The following ZNF804B variants were observed in gnomAD, a reference collection of about 807,000 sequenced individuals.
ZNF804B encodes zinc finger 804B.
ZNF804B carries 80 observed loss-of-function variants against 101.4 expected under a neutral mutation model. That is an observed-to-expected ratio of 0.79 (90% CI 0.66 to 0.95). The LOEUF (loss-of-function observed/expected upper bound fraction) is 0.95, where lower values mean the gene tolerates loss of function less well. Ranked by LOEUF, ZNF804B falls within the 40% of genes least tolerant of loss-of-function variation. The pLI, the probability that ZNF804B is intolerant of heterozygous loss-of-function variation, is 0.00. For missense variants in ZNF804B, 1,673 were observed against 1,561.9 expected (o/e 1.07, Z -1.20); for synonymous variants, 622 against 558.8 (o/e 1.11, Z -1.59).
At chr7:89,217,289 C>T (rs1788911983) in intron 1 of ZNF804B, among the ~76,000 whole-genome samples, 1 of 152,310 alleles carries the variant, frequency 6.6e-6, no homozygotes, top group South Asian at 2.1e-4. Flanking sequence ...TAGCAAATCA[C>T]AGCTGTTTAC....
chr7:89,060,363 G>T (rs1789360510), intron 1 of ZNF804B, among the ~76,000 whole-genome samples: 1 of 152,072 alleles, frequency 6.6e-6, no homozygotes, highest in Non-Finnish European at 1.5e-5. Context: ...CTTGCAAAAA[G>T]GCTGTGATAA....
rs141012861 is a variant in ZNF804B at position 88,774,611 on chromosome 7, CTAAG to C, written c.108+14530_108+14533del. 3.6e-3 allele frequency among the ~76,000 whole-genome samples: 554 copies of C among 152,252 alleles called. 4 individuals are homozygous for C. Among genetic ancestry groups the C allele is most frequent in the Admixed American group, 6.0e-3 (92 of 15,294 alleles). ...ACATTAGAGGTATCTATTCATCCTA[CTAAG>C]TATTTATTCTTCAATGTGAATAAAG... On this transcript the variant is annotated intron_variant, in intron 1 of 3. Coordinates refer to ENST00000333190, the MANE Select transcript of ZNF804B (RefSeq NM_181646.5).
chr7:88,946,907 GA>G (rs546095443), intron 1 of ZNF804B, among the ~76,000 whole-genome samples: 106 of 151,490 alleles, frequency 7.0e-4, no homozygotes, highest in Middle Eastern at 3.4e-3. Context: ...ATAAACATAC[GA>G]AAAAAAAGCT....
At chr7:88,797,681 G>A (rs1165445874) in intron 1 of ZNF804B, among the ~76,000 whole-genome samples, 1 of 152,076 alleles carries the variant, frequency 6.6e-6, no homozygotes, top group Non-Finnish European at 1.5e-5. Flanking sequence ...TTATACACAG[G>A]TGAGATTCTT....
chr7:88,999,930 A>G (rs896019991), intron 1 of ZNF804B, among the ~76,000 whole-genome samples: 3 of 152,118 alleles, frequency 2.0e-5, no homozygotes, highest in East Asian at 3.9e-4. Context: ...AGTGATATGT[A>G]ACAGTAAAAT....
chr7:88,973,717 A>G (rs1260628188), intron 1 of ZNF804B, among the ~76,000 whole-genome samples: 1 of 151,296 alleles, frequency 6.6e-6, no homozygotes, highest in African/African-American at 2.4e-5. Flanking sequence ...TATTTATGAG[A>G]CCATGATAAA....
At chr7:89,208,836 C>A (rs888031047) in intron 1 of ZNF804B, among the ~76,000 whole-genome samples, 2 of 151,728 alleles carry the variant, frequency 1.3e-5, no homozygotes, top group East Asian at 3.9e-4. Flanking sequence ...CACGGTGAAA[C>A]CCCGTCTGTA....
chr7:88,906,398 TC>T (rs1384240496), intron 1 of ZNF804B, among the ~76,000 whole-genome samples: 3 of 152,134 alleles, frequency 2.0e-5, no homozygotes, highest in Non-Finnish European at 4.4e-5. Flanking sequence ...CACTAAAAAT[TC>T]CCTGTTAGCA....
chr7:89,035,594 G>A (rs898428238), intron 1 of ZNF804B, among the ~76,000 whole-genome samples: 2 of 151,810 alleles, frequency 1.3e-5, no homozygotes, highest in African/African-American at 4.8e-5. Flanking sequence ...AAGTGACAGC[G>A]TGACGAACTT....
intron 1 of ZNF804B, among the ~76,000 whole-genome samples, chr7:89,032,467 A>T (rs954282340): frequency 6.6e-6 from 1 of 152,162 alleles, no homozygotes; most frequent in Non-Finnish European, 1.5e-5. Flanking sequence ...TTAATTTTAT[A>T]TGAGATAGAT....
At chr7:88,818,435 G>C (rs1211910679) in intron 1 of ZNF804B, among the ~76,000 whole-genome samples, 1 of 152,036 alleles carries the variant, frequency 6.6e-6, no homozygotes, top group African/African-American at 2.4e-5. Context: ...ATTAATGAAA[G>C]ATAGTCAATT....
At chr7:89,272,381 CAAG>C (rs1175093527) in intron 2 of ZNF804B, among the ~76,000 whole-genome samples, 1 of 151,970 alleles carries the variant, frequency 6.6e-6, no homozygotes, top group African/African-American at 2.4e-5. Flanking sequence ...CAGGCAAATT[CAAG>C]AAGGTTTTGT....
At chr7:89,314,357 G>A (rs566555694) in intron 2 of ZNF804B, among the ~76,000 whole-genome samples, 4 of 151,550 alleles carry the variant, frequency 2.6e-5, no homozygotes, top group Non-Finnish European at 2.9e-5. Flanking sequence ...CCTTTTTTTC[G>A]ACTTCTCCTT....
intron 1 of ZNF804B, among the ~76,000 whole-genome samples, chr7:88,957,175 G>A (rs541238971): frequency 3.8e-4 from 57 of 151,516 alleles, no homozygotes; most frequent in Non-Finnish European, 6.7e-4. Flanking sequence ...CCCCTTTGGC[G>A]CTTTATGTTC....
chr7:88,907,985 T>G (rs1363855893), intron 1 of ZNF804B, among the ~76,000 whole-genome samples: 1 of 151,878 alleles, frequency 6.6e-6, no homozygotes, highest in African/African-American at 2.4e-5. Flanking sequence ...AATTAGAAGC[T>G]TGGGAACAAG....
chr7:89,214,458 A>G (rs7812258), intron 1 of ZNF804B, among the ~76,000 whole-genome samples: 18,573 of 152,014 alleles, frequency 0.12, 1,216 homozygotes, highest in Middle Eastern at 0.26. Flanking sequence ...ATCATTTTTT[A>G]CTCCTTTCAT....
chr7:88,988,302 G>A (rs1283072025), intron 1 of ZNF804B, among the ~76,000 whole-genome samples: 1 of 151,920 alleles, frequency 6.6e-6, no homozygotes, highest in Non-Finnish European at 1.5e-5. Flanking sequence ...GTCACTAAGG[G>A]AAGATCAGAA....
At chr7:88,819,492 C>A (rs1273417166) in intron 1 of ZNF804B, among the ~76,000 whole-genome samples, 4 of 152,042 alleles carry the variant, frequency 2.6e-5, no homozygotes, top group South Asian at 2.1e-4. Context: ...GAGGGGGTTA[C>A]CTGAGGCATT....
At chr7:88,819,558 G>A (rs13438023) in intron 1 of ZNF804B, among the ~76,000 whole-genome samples, 3,147 of 152,154 alleles carry the variant, frequency 0.021, 102 homozygotes, top group African/African-American at 0.072. Flanking sequence ...TGCTCTCTTG[G>A]AAGATATATA....
Sources: allele counts gnomAD v4.1 joint callset (sites outside exome capture counted in the v4.1 genomes callset), GRCh38; gene constraint gnomAD v4.1.1; transcripts MANE v1.5; gene names NCBI Gene and HGNC (gene_info 2026-07-23, HGNC 2026-07-21).